COL6A5: variants seen among roughly 807,000 people sequenced by gnomAD.
COL6A5 encodes collagen type VI alpha 5 chain.
In COL6A5, 48 loss-of-function variants were observed where a neutral mutation model predicts 65.6. That is an observed-to-expected ratio of 0.73 (90% CI 0.58 to 0.93). COL6A5 has a LOEUF of 0.93. COL6A5 is among the 40% of genes least tolerant of loss of function. The pLI is 0.00. For missense variants in COL6A5, 914 were observed against 928.3 expected (o/e 0.98, Z 0.20); for synonymous variants, 291 against 322.8 (o/e 0.90, Z 1.05).
intron 1 of COL6A5, among the ~76,000 whole-genome samples, chr3:130,367,188 G>A (rs549938367): frequency 1.3e-5 from 2 of 152,276 alleles, no homozygotes; most frequent in East Asian, 1.9e-4. Flanking sequence ...AAGCATTCCT[G>A]CCTTCTGTCC....
chr3:130,446,523 G>A (rs996898600), intron 4 of COL6A5, among the ~76,000 whole-genome samples: 1 of 152,118 alleles, frequency 6.6e-6, no homozygotes, highest in African/African-American at 2.4e-5. Flanking sequence ...AAGGTAATCA[G>A]GAGAAGTGGG....
rs112076480 is a variant in COL6A5, at chr3:130,445,416, C to T, written c.1332+1850C>T. 6.9e-3 allele frequency among the ~76,000 whole-genome samples: 1,046 copies of T among 152,220 alleles called. 17 individuals carry two copies. The highest frequency in any genetic ancestry group is 0.023 in the African/African-American group (960 of 41,542). ...TAATGCGTTGGACAGTTTGATTATT[C>T]GTCCAAATTTTGATATTTCCCACTA... On this transcript the variant is annotated intron_variant, in intron 4 of 7. Transcript: ENST00000512836.
exon 1 of COL6A5, chr3:130,345,962 C>A (rs949119828): frequency 6.3e-5 from 25 of 398,544 alleles, no homozygotes; most frequent in Non-Finnish European, 9.7e-5. Context: ...CGGAGTGTCC[C>A]CTGACCCCGG....
chr3:130,395,552 G>C (rs1034647089), intron 8 of COL6A5, 87 bp downstream of exon 8: 57 of 973,102 alleles, frequency 5.9e-5, no homozygotes, highest in Non-Finnish European at 8.6e-5. Flanking sequence ...CTCTAGCAGA[G>C]CATATATTTA....
chr3:130,366,382 T>G (rs75021837), intron 1 of COL6A5, among the ~76,000 whole-genome samples: 7,601 of 152,286 alleles, frequency 0.05, 243 homozygotes, highest in Middle Eastern at 0.12. Context: ...ACATCTTGCC[T>G]TTCTGAGAGG....
rs1937556536 is a variant in COL6A5, at chr3:130,423,810, TA to T, written c.5101-26del. ...CCCCATAGATAGACAGTGTTGAAAC[TA>T]ATGTATTAATATATTCCTATCTGCA... On this transcript the variant is annotated intron_variant and NMD_transcript_variant, in intron 28 of 41. Coordinates refer to the COL6A5 transcript ENST00000312481. The T allele has an allele frequency of 2.0e-6, 3 of 1,524,738 alleles. No homozygotes were observed. The South Asian group carries it at 3.6e-5, about 18-fold the overall frequency. The allele number at this position is 1,524,738 out of a possible 1,614,324, so 94.5% of individuals were successfully genotyped here. A position where few individuals can be genotyped will look rare whatever the true frequency, so the allele number is the denominator to read the frequency against.
chr3:130,384,442 A>G (rs900071807), intron 4 of COL6A5, among the ~76,000 whole-genome samples: 1 of 152,106 alleles, frequency 6.6e-6, no homozygotes, highest in Non-Finnish European at 1.5e-5. Context: ...AAGATCGTCA[A>G]TCCCATGCCT....
At chr3:130,410,672 C>A in intron 20 of COL6A5, 148 bp downstream of exon 20, 1 of 676,960 alleles carries the variant, frequency 1.5e-6, no homozygotes, top group Non-Finnish European at 2.6e-6. Context: ...AATTTGGGGC[C>A]AATAATTATT....
chr3:130,409,587 C>G (rs2173187), intron 18 of COL6A5, among the ~76,000 whole-genome samples, 199 bp downstream of exon 18: 3 of 152,106 alleles, frequency 2.0e-5, no homozygotes, highest in African/African-American at 7.2e-5. Context: ...CCTTATGGTA[C>G]GCTGAGACTT....
At chr3:130,455,928 T>C (rs764159850) in intron 5 of COL6A5, among the ~76,000 whole-genome samples, 62 of 152,106 alleles carry the variant, frequency 4.1e-4, no homozygotes, top group Non-Finnish European at 7.4e-5. Flanking sequence ...ATCCACAGTT[T>C]AGAAGGTTAG....
At chr3:130,352,286 C>T (rs570303420) in intron 1 of COL6A5, among the ~76,000 whole-genome samples, 65 of 151,788 alleles carry the variant, frequency 4.3e-4, no homozygotes, top group Non-Finnish European at 7.4e-4. Context: ...TGCACATGTA[C>T]CCTAGAACTT....
At chr3:130,462,969 C>G (rs1258024776) in intron 5 of COL6A5, among the ~76,000 whole-genome samples, 2 of 152,062 alleles carry the variant, frequency 1.3e-5, no homozygotes, top group Non-Finnish European at 2.9e-5. Context: ...ATCAGCCATC[C>G]TTTCTTAGCC....
chr3:130,457,190 A>G (rs372409004), intron 5 of COL6A5, among the ~76,000 whole-genome samples: 6 of 152,262 alleles, frequency 3.9e-5, no homozygotes, highest in East Asian at 1.9e-4. Flanking sequence ...TCAAGGCACA[A>G]TAATTTATTA....
intron 7 of COL6A5, among the ~76,000 whole-genome samples, chr3:130,475,007 CAAAAAAAA>C (rs57263258): frequency 1.1e-4 from 7 of 65,050 alleles, no homozygotes; most frequent in South Asian, 1.2e-3. Flanking sequence ...ACCATGTCTC[CAAAAAAAA>C]AAAAAAAAAA....
chr3:130,466,748 C>A (rs1231632703), intron 5 of COL6A5, among the ~76,000 whole-genome samples: 2 of 151,940 alleles, frequency 1.3e-5, no homozygotes, highest in Admixed American at 1.3e-4. Context: ...AGAGAAGACA[C>A]AACTTTCCAA....
intron 1 of COL6A5, among the ~76,000 whole-genome samples, chr3:130,435,246 T>A (rs934306397): frequency 2.0e-5 from 3 of 152,200 alleles, no homozygotes; most frequent in Non-Finnish European, 4.4e-5. Flanking sequence ...GATCAGATTG[T>A]TCTAGATGTG....
At chr3:130,476,668 G>C (rs1437610764) in intron 7 of COL6A5, among the ~76,000 whole-genome samples, 2 of 152,002 alleles carry the variant, frequency 1.3e-5, no homozygotes, top group Non-Finnish European at 2.9e-5. Context: ...AATCCTGGTT[G>C]AATCATTCCT....
chr3:130,372,625 A>G lies in COL6A5; in HGVS notation c.-28-986A>G, dbSNP rs115314358. Among the ~76,000 whole-genome samples the G allele has an allele frequency of 8.8e-3, 1,333 of 152,312 alleles. 28 individuals carry two copies. Among genetic ancestry groups the G allele is most frequent in the African/African-American group, 0.031 (1,270 of 41,574 alleles). ...CAAAATGTCCAGAATAGGCAAATCC[A>G]TAGAGAAAGCAAGTAGATCAGTGCC... On this transcript the variant is annotated intron_variant and NMD_transcript_variant, in intron 1 of 41. Coordinates refer to the COL6A5 transcript ENST00000312481.
At chr3:130,378,994 G>T (rs1935888350) in intron 3 of COL6A5, among the ~76,000 whole-genome samples, 1 of 152,124 alleles carries the variant, frequency 6.6e-6, no homozygotes, top group African/African-American at 2.4e-5. Context: ...TGAGAATGAT[G>T]GTGGCAGTGG....
Sources: allele counts gnomAD v4.1 joint callset (sites outside exome capture counted in the v4.1 genomes callset), GRCh38; gene constraint gnomAD v4.1.1; transcripts MANE v1.5; gene names NCBI Gene and HGNC (gene_info 2026-07-23, HGNC 2026-07-21).